The following ADAMTSL1 variants were observed in gnomAD, a reference collection of about 807,000 sequenced individuals.
The protein encoded by ADAMTSL1 is ADAMTS like 1, also known as ADAMTS-like protein 1.
ADAMTSL1 carries 126 observed loss-of-function variants against 201.8 expected under a neutral mutation model. The ratio of observed to expected loss-of-function variants is 0.62; its 90% confidence interval spans 0.54 to 0.72. ADAMTSL1 has a LOEUF of 0.72. ADAMTSL1 is among the 30% of genes least tolerant of loss of function. The pLI is 0.00. For synonymous variants in ADAMTSL1, 1,121 were observed against 903.4 expected (o/e 1.24, Z -4.32); for missense variants, 2,679 against 2,277.8 (o/e 1.18, Z -3.59).
intron 5 of ADAMTSL1, among the ~76,000 whole-genome samples, chr9:18,629,461 A>T (rs912134308): frequency 6.6e-6 from 1 of 152,174 alleles, no homozygotes; most frequent in African/African-American, 2.4e-5. Flanking sequence ...TGAAGGGATG[A>T]TGAATTTTAT....
chr9:18,464,232 A>G (rs982245103), intron 2 of ADAMTSL1, among the ~76,000 whole-genome samples: 1 of 152,232 alleles, frequency 6.6e-6, no homozygotes, highest in Non-Finnish European at 1.5e-5. Flanking sequence ...CTAGATGCAA[A>G]CATTACATTG....
chr9:18,285,541 C>G (rs548151675), intron 2 of ADAMTSL1, among the ~76,000 whole-genome samples: 33 of 152,168 alleles, frequency 2.2e-4, no homozygotes, highest in African/African-American at 7.2e-4. Context: ...GCTATTTATA[C>G]TATTTTGGAA....
At chr9:18,646,017 A>G (rs1407374074) in intron 7 of ADAMTSL1, among the ~76,000 whole-genome samples, 2 of 152,198 alleles carry the variant, frequency 1.3e-5, no homozygotes, top group Non-Finnish European at 2.9e-5. Flanking sequence ...CTTCCTATCC[A>G]TGAGCATAGA....
rs184218917 is a variant in ADAMTSL1 at position 18,583,285 on chromosome 9, G to T, written c.474+9019G>T. On this transcript the variant is annotated intron_variant, in intron 4 of 28. Coordinates refer to ENST00000380548, the MANE Select transcript of ADAMTSL1 (RefSeq NM_001040272.6). The stretch of plus-strand genomic sequence containing the variant: ...GCTGCTCCAGCCATGGCTGAAAGGG[G>T]TCAAGGTAGGGCTCGGGCCGTAGCT... Among the ~76,000 whole-genome samples, 638 of 152,320 alleles carry T rather than the reference G, an allele frequency of 4.2e-3. 3 individuals are homozygous for T. The highest frequency in any genetic ancestry group is 0.024 in the Middle Eastern group (7 of 294).
intron 3 of ADAMTSL1, among the ~76,000 whole-genome samples, chr9:18,534,075 T>C (rs994678519): frequency 5.9e-5 from 9 of 152,278 alleles, no homozygotes; most frequent in African/African-American, 2.2e-4. Flanking sequence ...ATTTTTGAGG[T>C]TATATCATAA....
intron 1 of ADAMTSL1, 40 bp from the exon 2 acceptor site, chr9:18,504,789 A>C: frequency 1.2e-6 from 2 of 1,614,126 alleles, no homozygotes; most frequent in Non-Finnish European, 1.7e-6. Context: ...TCAGGGTTCC[A>C]TGGGGGATAT....
chr9:18,614,121 A>G (rs1825557798), intron 4 of ADAMTSL1, among the ~76,000 whole-genome samples: 2 of 152,154 alleles, frequency 1.3e-5, no homozygotes, highest in Admixed American at 1.3e-4. Flanking sequence ...GAGCCAGAGG[A>G]AGTGAGGTCA....
chr9:18,441,263 G>T (rs1819985311), intron 2 of ADAMTSL1, among the ~76,000 whole-genome samples: 1 of 152,130 alleles, frequency 6.6e-6, no homozygotes, highest in Non-Finnish European at 1.5e-5. Context: ...CCACTGCATT[G>T]TACACTTTAA....
chr9:18,081,143 G>GT (rs1378445637), intron 1 of ADAMTSL1, among the ~76,000 whole-genome samples: 2 of 152,298 alleles, frequency 1.3e-5, no homozygotes, highest in African/African-American at 4.8e-5. Context: ...GCAGCTTTGA[G>GT]TGGGGGTGGA....
chr9:18,753,650 T>G, intron 16 of ADAMTSL1, 142 bp downstream of exon 16: 1 of 906,326 alleles, frequency 1.1e-6, no homozygotes. Flanking sequence ...AGTACTCCCC[T>G]AACCTGATTT....
At chr9:18,870,963 C>A (rs2131461548) in intron 23 of ADAMTSL1, among the ~76,000 whole-genome samples, 1 of 152,254 alleles carries the variant, frequency 6.6e-6, no homozygotes, top group South Asian at 2.1e-4. Context: ...AGCATTGTTA[C>A]TCAACCTCTT....
At position 18,689,673 on chromosome 9, in the gene ADAMTSL1, C is replaced by T. The variant is rs1235324289; in HGVS notation, c.1574+4873C>T. ...GTTCTTCCAGATATATTTCAGTTGC[C>T]GTAGTTCTTCAATGGCTCAGAAGAA... On this transcript the variant is annotated intron_variant, in intron 13 of 28. Coordinates refer to ENST00000380548, the MANE Select transcript of ADAMTSL1 (RefSeq NM_001040272.6). 2.0e-5 allele frequency among the ~76,000 whole-genome samples: 3 copies of T among 152,258 alleles called. No homozygotes were observed. In the South Asian group the frequency reaches 6.2e-4, roughly 32 times the overall value.
intron 2 of ADAMTSL1, among the ~76,000 whole-genome samples, chr9:18,252,622 A>G (rs973612094): frequency 6.6e-6 from 1 of 151,916 alleles, no homozygotes; most frequent in Non-Finnish European, 1.5e-5. Context: ...TACAAATGCA[A>G]TTTTTTTTCA....
At chr9:18,345,430 A>G (rs938091497) in intron 2 of ADAMTSL1, among the ~76,000 whole-genome samples, 9 of 152,172 alleles carry the variant, frequency 5.9e-5, no homozygotes, top group African/African-American at 2.2e-4. Context: ...AATTTATCAA[A>G]TGAATCTTTG....
chr9:18,567,411 A>T (rs1821985553), intron 3 of ADAMTSL1, among the ~76,000 whole-genome samples: 1 of 152,198 alleles, frequency 6.6e-6, no homozygotes, highest in African/African-American at 2.4e-5. Context: ...AGTTGCAGCG[A>T]GCCGAGATCA....
At chr9:18,675,805 T>G (rs1348504138) in intron 9 of ADAMTSL1, 52 bp from the exon 10 acceptor site, 3 of 1,511,516 alleles carry the variant, frequency 2.0e-6, no homozygotes, top group Non-Finnish European at 2.7e-6. Context: ...TTAGTGTTTA[T>G]TTTATTGTGT....
intron 2 of ADAMTSL1, among the ~76,000 whole-genome samples, chr9:18,395,151 T>A (rs966313089): frequency 1.5e-4 from 23 of 152,170 alleles, no homozygotes; most frequent in African/African-American, 5.1e-4. Context: ...TGCCAGGTGT[T>A]TGAGTATTAT....
chr9:18,118,661 A>G (rs1292140273), intron 1 of ADAMTSL1, among the ~76,000 whole-genome samples: 1 of 152,202 alleles, frequency 6.6e-6, no homozygotes, highest in African/African-American at 2.4e-5. Flanking sequence ...CATAGAATGC[A>G]GATGGGACAA....
chr9:18,090,519 A>G (rs1823964682), intron 1 of ADAMTSL1, among the ~76,000 whole-genome samples: 1 of 152,212 alleles, frequency 6.6e-6, no homozygotes, highest in African/African-American at 2.4e-5. Context: ...GGATGTTTCC[A>G]TTTATATGAG....
Sources: allele counts gnomAD v4.1 joint callset (sites outside exome capture counted in the v4.1 genomes callset), GRCh38; gene constraint gnomAD v4.1.1; transcripts MANE v1.5; gene names NCBI Gene and HGNC (gene_info 2026-07-23, HGNC 2026-07-21).